The following NHS variants were observed in gnomAD, a reference collection of about 807,000 sequenced individuals.
The protein encoded by NHS is actin remodeling regulator NHS.
In NHS, 5 loss-of-function variants were observed where a neutral mutation model predicts 72.5. That is an observed-to-expected ratio of 0.07 (90% CI 0.04 to 0.14). NHS has a LOEUF of 0.14. NHS is among the 10% of genes least tolerant of loss of function. NHS has a pLI of 1.00. For missense variants in NHS, 1,072 were observed against 1,355.7 expected (o/e 0.79, Z 3.29); for synonymous variants, 464 against 547.7 (o/e 0.85, Z 2.13).
At chrX:17,638,930 A>G (rs1206187804) in intron 1 of NHS, among the ~76,000 whole-genome samples, 1 of 111,982 alleles carries the variant, frequency 8.9e-6, no homozygotes, top group Non-Finnish European at 1.9e-5. Flanking sequence ...ACACTGGCAG[A>G]TGGGACATGA....
intron 1 of NHS, among the ~76,000 whole-genome samples, chrX:17,451,219 A>G (rs1416947479): frequency 1.8e-5 from 2 of 112,150 alleles, no homozygotes; most frequent in Non-Finnish European, 3.8e-5. Context: ...CTAACATTAC[A>G]TGTGCGACTC....
chrX:17,649,732 C>G (rs2065922111), intron 1 of NHS, among the ~76,000 whole-genome samples: 1 of 111,787 alleles, frequency 8.9e-6, no homozygotes, highest in Admixed American at 9.5e-5. Context: ...AAATTTTATA[C>G]AGGCAGCCAT....
chrX:17,540,950 TA>T lies in NHS; in HGVS notation c.566-146791del, dbSNP rs1481062464. On this transcript the variant is annotated intron_variant, in intron 1 of 8. Coordinates refer to ENST00000676302, the MANE Select transcript of NHS (RefSeq NM_001291867.2). ...AGCTGGGCATGGTGGTGTGTGCCTGTAGTCTCAGCTACTTGGGAGGCTGAGG... is the reference window on the plus strand; with the variant it reads ...AGCTGGGCATGGTGGTGTGTGCCTGTGTCTCAGCTACTTGGGAGGCTGAGG... Among the ~76,000 whole-genome samples, 6 of 111,896 alleles carry T rather than the reference TA, an allele frequency of 5.4e-5. No individual in the cohort carries two copies. The East Asian group carries it at 1.7e-3, about 32-fold the overall frequency.
chrX:17,661,882 C>T (rs1380283541), intron 1 of NHS, among the ~76,000 whole-genome samples: 4 of 111,796 alleles, frequency 3.6e-5, no homozygotes, highest in African/African-American at 9.8e-5. Context: ...ATGGTCAATA[C>T]GGTAGTATAA....
chrX:17,542,156 G>A (rs1013826477), intron 1 of NHS, among the ~76,000 whole-genome samples: 1 of 112,866 alleles, frequency 8.9e-6, no homozygotes, highest in Non-Finnish European at 1.9e-5. Flanking sequence ...ACAGAGCCAG[G>A]CCTGCCACAA....
chrX:17,728,598 G>A, intron 7 of NHS, 51 bp from the exon 8 acceptor site: 2 of 1,196,601 alleles, frequency 1.7e-6, no homozygotes, highest in Non-Finnish European at 2.3e-6. Context: ...GTGAAGTACA[G>A]TAGCGTGCTG....
intron 1 of NHS, among the ~76,000 whole-genome samples, chrX:17,402,464 C>T (rs894901663): frequency 8.9e-6 from 1 of 112,199 alleles, no homozygotes; most frequent in Non-Finnish European, 1.9e-5. Flanking sequence ...TGCAATAAAA[C>T]ATTGTCAATA....
rs924220971 is a variant in NHS at position 17,576,702 on chromosome X, T to A, written c.566-111040T>A. ...TAAATAAACGTGTCGCAGGTGCCAT[T>A]AAGAAAACACATCTGCACACTGTCA... On this transcript the variant is annotated intron_variant, in intron 1 of 8. Transcript: ENST00000676302. 2.7e-5 allele frequency among the ~76,000 whole-genome samples: 3 copies of A among 111,772 alleles called. No individual in the cohort carries two copies. The East Asian group carries it at 8.5e-4, about 32-fold the overall frequency.
Position 17,524,240 on chromosome X carries a change from G to A in NHS, c.565+147918G>A, listed in dbSNP as rs767093174. Among the ~76,000 whole-genome samples, 7 of 111,930 alleles carry A rather than the reference G, an allele frequency of 6.3e-5. No homozygotes were observed. In the East Asian group the frequency reaches 2.0e-3, roughly 31 times the overall value. On this transcript the variant is annotated intron_variant, in intron 1 of 8. Transcript: ENST00000676302. ...CCTTCTCTCCCCCACACTAATTCATGTTCATATATATGTGAATTTTTTTGC... is the reference window on the plus strand; with the variant it reads ...CCTTCTCTCCCCCACACTAATTCATATTCATATATATGTGAATTTTTTTGC...
chrX:17,635,184 G>C, intron 1 of NHS: 1 of 525,749 alleles, frequency 1.9e-6, no homozygotes, highest in Non-Finnish European at 2.5e-6. Context: ...AATTGGAGTA[G>C]CAAGGCTGTA....
chrX:17,539,607 C>A (rs1215826200), intron 1 of NHS, among the ~76,000 whole-genome samples: 4 of 110,984 alleles, frequency 3.6e-5, no homozygotes, highest in Admixed American at 2.9e-4. Flanking sequence ...GACCTTTCTG[C>A]CCTAAAATTG....
At chrX:17,527,415 G>A (rs2065178393) in intron 1 of NHS, among the ~76,000 whole-genome samples, 2 of 113,198 alleles carry the variant, frequency 1.8e-5, no homozygotes, top group African/African-American at 3.2e-5. Flanking sequence ...AGTGACTGAC[G>A]CCAAATGCCC....
rs765853522 is a variant in NHS, at chrX:17,428,983, G to A, written c.565+52661G>A. Among the ~76,000 whole-genome samples, 8 of 111,355 alleles carry A rather than the reference G, an allele frequency of 7.2e-5. No homozygotes were observed. The East Asian group carries it at 2.0e-3, about 28-fold the overall frequency. On this transcript the variant is annotated intron_variant, in intron 1 of 8. Coordinates refer to ENST00000676302, the MANE Select transcript of NHS (RefSeq NM_001291867.2). ...TCAAATATTTATTTAATCCAACTGC[G>A]CATCAGGCACTACACCAGGCATTGG...
intron 1 of NHS, among the ~76,000 whole-genome samples, chrX:17,677,881 C>T (rs1179572081): frequency 8.9e-6 from 1 of 111,895 alleles, no homozygotes; most frequent in Non-Finnish European, 1.9e-5. Context: ...AATCTCAGCT[C>T]ACTGCAGCCT....
intron 1 of NHS, among the ~76,000 whole-genome samples, chrX:17,669,252 A>G (rs1392782187): frequency 2.7e-5 from 3 of 112,142 alleles, no homozygotes; most frequent in Admixed American, 9.4e-5. Flanking sequence ...AGACGGAGAT[A>G]GTGGGTGTTT....
chrX:17,418,636 C>G (rs1029561173), intron 1 of NHS, among the ~76,000 whole-genome samples: 1 of 111,877 alleles, frequency 8.9e-6, no homozygotes, highest in African/African-American at 3.3e-5. Flanking sequence ...TTTGTGCATC[C>G]TCAAATCTCT....
intron 1 of NHS, among the ~76,000 whole-genome samples, chrX:17,472,367 A>G (rs189949878): frequency 1.1e-3 from 122 of 110,824 alleles, no homozygotes; most frequent in African/African-American, 3.6e-3. Flanking sequence ...GAGACAAGAG[A>G]CATAGCTGGG....
chrX:17,405,929 C>T (rs1190046747), intron 1 of NHS, among the ~76,000 whole-genome samples: 2 of 112,492 alleles, frequency 1.8e-5, no homozygotes, highest in Admixed American at 9.4e-5. Context: ...GCTTCACCCA[C>T]AATCCAGTTC....
intron 1 of NHS, among the ~76,000 whole-genome samples, chrX:17,471,707 C>G (rs928728161): frequency 1.8e-5 from 2 of 111,925 alleles, no homozygotes; most frequent in African/African-American, 6.5e-5. Flanking sequence ...ACTCTTTTTT[C>G]CAGATCTAAG....
Sources: allele counts gnomAD v4.1 joint callset (sites outside exome capture counted in the v4.1 genomes callset), GRCh38; gene constraint gnomAD v4.1.1; transcripts MANE v1.5; gene names NCBI Gene and HGNC (gene_info 2026-07-23, HGNC 2026-07-21).